The following MAP2K5 variants were observed in gnomAD, a reference collection of about 807,000 sequenced individuals.
MAP2K5 encodes dual specificity mitogen-activated protein kinase kinase 5.
MAP2K5 carries 49 observed loss-of-function variants against 83.1 expected under a neutral mutation model. That is an observed-to-expected ratio of 0.59 (90% CI 0.47 to 0.75). The LOEUF (loss-of-function observed/expected upper bound fraction) is 0.75. MAP2K5 is among the 30% of genes least tolerant of loss of function. The pLI, the probability that MAP2K5 is intolerant of heterozygous loss-of-function variation, is 0.00. For missense variants in MAP2K5, 457 were observed against 557.5 expected, an observed-to-expected ratio of 0.82 and a Z score of 1.82; for synonymous variants, 202 against 191.8, an observed-to-expected ratio of 1.05 and a Z score of -0.44.
At chr15:67,585,756 T>G (rs1326263654) in intron 4 of MAP2K5, 134 bp from the exon 5 acceptor site, 1 of 717,542 alleles carries the variant, frequency 1.4e-6, no homozygotes, top group Non-Finnish European at 2.5e-6. Flanking sequence ...CCACTTTGGG[T>G]CTTGGGAGCC....
chr15:67,726,857 A>G (rs1396513587), intron 16 of MAP2K5, among the ~76,000 whole-genome samples: 1 of 152,212 alleles, frequency 6.6e-6, no homozygotes, highest in East Asian at 1.9e-4. Context: ...TAAAATTGCA[A>G]AGTTTTGCCA....
intron 8 of MAP2K5, among the ~76,000 whole-genome samples, chr15:67,616,494 C>CT (rs1442249981): frequency 6.6e-6 from 1 of 152,066 alleles, no homozygotes; most frequent in Non-Finnish European, 1.5e-5. Flanking sequence ...CTATAAATCC[C>CT]TAGGGCATTC....
rs1326342709 is a variant in MAP2K5 at position 67,640,307 on chromosome 15, A to G, written c.586-5924A>G. Among the ~76,000 whole-genome samples the G allele has an allele frequency of 1.3e-5, 2 of 152,222 alleles. No homozygotes were observed. Among genetic ancestry groups the G allele is most frequent in the African/African-American group, 4.8e-5 (2 of 41,464 alleles). ...TGAAAGCAGGTTCAGCTCACATACA[A>G]AATATCTCATAGCGTTCTTTATATG... On this transcript the variant is annotated intron_variant, in intron 9 of 21. Transcript: ENST00000178640. This position sits in a 1 kb window ranked among gnomAD's most constrained non-coding sequence, Gnocchi z 4.6.
chr15:67,665,666 A>G lies in MAP2K5; in HGVS notation c.847+1021A>G, dbSNP rs1389500128. Among the ~76,000 whole-genome samples the G allele has an allele frequency of 6.6e-6, 1 of 152,152 alleles. No individual in the cohort carries two copies. The highest frequency in any genetic ancestry group is 2.4e-5 in the African/African-American group (1 of 41,434). On this transcript the variant is annotated intron_variant, in intron 13 of 21. Transcript: ENST00000178640. The surrounding 1 kb of genome is among the most constrained non-coding windows in gnomAD (Gnocchi z 4.2). ...TAATGAGGGTATCTAGATTTTGACAAATCAAATAGTCAGGTTTTTGAAGGT... is the reference window on the plus strand; with the variant it reads ...TAATGAGGGTATCTAGATTTTGACAGATCAAATAGTCAGGTTTTTGAAGGT...
In MAP2K5 at chr15:67,618,953, T is replaced by C. The variant is rs550202002; in HGVS notation, c.546-11935T>C. 5.1e-4 allele frequency among the ~76,000 whole-genome samples: 78 copies of C among 152,340 alleles called. 3 individuals carry two copies. In the South Asian group the frequency reaches 0.016, roughly 31 times the overall value. ...AATATTAGGTCTCCCCCTCTGCTCA[T>C]GACCTCTTATATCACTTGGAATAAA... On this transcript the variant is annotated intron_variant, in intron 8 of 21. Coordinates refer to ENST00000178640, the MANE Select transcript of MAP2K5 (RefSeq NM_145160.3).
In MAP2K5 at chr15:67,600,698, A is replaced by G. The variant is rs1207397549; in HGVS notation, c.494A>G (p.Asp165Gly). Residue 165 changes from aspartate to glycine, a missense_variant, in exon 8 of 22, where the codon GAC (aspartate) becomes GGC (glycine). Asp to Gly is a moderately conservative substitution (Grantham distance 94). This residue lies in a region of MAP2K5 where 234 missense variants were observed against 243.6 expected (regional missense o/e 0.96). Coordinates refer to ENST00000178640, the MANE Select transcript of MAP2K5 (RefSeq NM_145160.3). ...ILANGQMNEQ[D>G]IRYRDTLGHG... ...TTTCTTGTGGAGATGAATGAACAAG[A>G]CATACGATATCGGGACACTCTTGGT... 3 of 1,609,646 alleles carry G rather than the reference A, an allele frequency of 1.9e-6. No individual in the cohort carries two copies. Among genetic ancestry groups the G allele is most frequent in the African/African-American group, 1.3e-5 (1 of 74,314 alleles).
At chr15:67,675,364 T>C (rs1049527341) in intron 13 of MAP2K5, among the ~76,000 whole-genome samples, 2 of 152,202 alleles carry the variant, frequency 1.3e-5, no homozygotes, top group African/African-American at 4.8e-5. Context: ...AGTGTATGAT[T>C]CCATTTGTAT....
chr15:67,610,499 C>A (rs1249359996), intron 8 of MAP2K5, among the ~76,000 whole-genome samples: 1 of 152,128 alleles, frequency 6.6e-6, no homozygotes, highest in African/African-American at 2.4e-5. Flanking sequence ...ATTGCACAAG[C>A]AAATATTTGT....
chr15:67,658,588 C>G lies in MAP2K5; in HGVS notation c.772C>G (p.His258Asp), dbSNP rs528470064. ...GGATGTATATAGGAAAATGCCAGAA[C>G]ATGTCCTTGGAAGAATTGCAGTAGC... is the stretch of plus-strand genomic sequence containing the variant. ...SLDVYRKMPE[H>D]VLGRIAVAVV... The change falls in exon 12 of 22, where the codon CAT becomes GAT. Residue 258 changes from histidine to aspartate, a missense_variant. This residue lies in a region of MAP2K5 where 168 missense variants were observed against 263.0 expected (regional missense o/e 0.64). Transcript: ENST00000178640. 22 of 1,612,108 alleles carry G rather than the reference C, an allele frequency of 1.4e-5. No individual in the cohort carries two copies. The highest frequency in any genetic ancestry group is 1.9e-5 in the Non-Finnish European group (22 of 1,178,724).
intron 6 of MAP2K5, among the ~76,000 whole-genome samples, chr15:67,592,360 G>A (rs1490002610): frequency 1.3e-5 from 2 of 152,000 alleles, no homozygotes; most frequent in African/African-American, 4.8e-5. Flanking sequence ...TATAAAATTG[G>A]TATTTTCCCC....
At position 67,597,295 on chromosome 15, in the gene MAP2K5, C is replaced by T. The variant is rs75718946; in HGVS notation, c.481-3390C>T. Reference sequence around the variant, plus strand: ...AAACATTTTTCTTCTTAAAAACTAACATCGTAGCTAATGAAATTTCTTTTA... The same window carrying T: ...AAACATTTTTCTTCTTAAAAACTAATATCGTAGCTAATGAAATTTCTTTTA... On this transcript the variant is annotated intron_variant, in intron 7 of 21. Coordinates refer to ENST00000178640, the MANE Select transcript of MAP2K5 (RefSeq NM_145160.3). 5.4e-3 allele frequency among the ~76,000 whole-genome samples: 828 copies of T among 152,070 alleles called. 4 individuals carry two copies. Among genetic ancestry groups the T allele is most frequent in the African/African-American group, 0.019 (798 of 41,480 alleles).
intron 7 of MAP2K5, 101 bp from the exon 8 acceptor site, chr15:67,600,584 A>C (rs1390728242): frequency 3.6e-6 from 3 of 837,100 alleles, no homozygotes; most frequent in Non-Finnish European, 5.7e-6. Flanking sequence ...TGAACTTGAA[A>C]TGACCCAGAC....
chr15:67,601,785 G>A (rs1314432318), intron 8 of MAP2K5, among the ~76,000 whole-genome samples: 4 of 152,278 alleles, frequency 2.6e-5, no homozygotes, highest in South Asian at 4.1e-4. Flanking sequence ...TGCAGCCTTG[G>A]TATAGAATTT....
intron 8 of MAP2K5, chr15:67,629,179 A>G: frequency 1.4e-6 from 1 of 689,930 alleles, no homozygotes; most frequent in Admixed American, 1.9e-5. Context: ...AGAGCTAGAG[A>G]AGTGACGGGG....
At chr15:67,661,478 C>T (rs2087237489) in intron 12 of MAP2K5, among the ~76,000 whole-genome samples, 1 of 152,158 alleles carries the variant, frequency 6.6e-6, no homozygotes, top group Middle Eastern at 3.4e-3. Context: ...TGAAACCCAG[C>T]CTACTGAATA....
At chr15:67,667,460 C>G (rs965207149) in intron 13 of MAP2K5, among the ~76,000 whole-genome samples, 1 of 151,982 alleles carries the variant, frequency 6.6e-6, no homozygotes, top group African/African-American at 2.4e-5. Flanking sequence ...GTCACATTGT[C>G]AAATCAAAAA....
At position 67,690,712 on chromosome 15, in the gene MAP2K5, T is replaced by C. The variant is rs997328570; in HGVS notation, c.848-1767T>C. Among the ~76,000 whole-genome samples, 10 of 152,140 alleles carry C rather than the reference T, an allele frequency of 6.6e-5. No homozygotes were observed. The highest frequency in any genetic ancestry group is 1.3e-4 in the Admixed American group (2 of 15,282). On this transcript the variant is annotated intron_variant, in intron 13 of 21. Coordinates refer to ENST00000178640, the MANE Select transcript of MAP2K5 (RefSeq NM_145160.3). This position sits in a 1 kb window ranked among gnomAD's most constrained non-coding sequence, Gnocchi z 4.3. ...CCACGCCCGGCTAATTTTTGTATTT[T>C]TAGTAGAGATGAGGTTTTGCCATGT... is the stretch of plus-strand genomic sequence containing the variant.
chr15:67,763,412 A>T (rs191412607), intron 19 of MAP2K5, among the ~76,000 whole-genome samples: 20 of 152,244 alleles, frequency 1.3e-4, no homozygotes, highest in Admixed American at 1.2e-3. Context: ...GCACCTATTC[A>T]TCTCTTTCCC....
chr15:67,563,365 A>G lies in MAP2K5; in HGVS notation c.252+15A>G, dbSNP rs748906365. On this transcript the variant is annotated intron_variant, in intron 3 of 21. Coordinates refer to ENST00000178640, the MANE Select transcript of MAP2K5 (RefSeq NM_145160.3). The surrounding 1 kb of genome is among the most constrained non-coding windows in gnomAD (Gnocchi z 4.5). ...TGCTGTCATATGTAAGTATACGACA[A>G]ATGAAGACTATTTTTTAAAATCTTA... 2 of 1,600,968 alleles carry G rather than the reference A, an allele frequency of 1.2e-6. No individual in the cohort carries two copies. Among genetic ancestry groups the G allele is most frequent in the South Asian group, 1.1e-5 (1 of 88,532 alleles).
Sources: gnomAD v4.1 joint callset for allele counts (sites outside exome capture counted in the v4.1 genomes callset) on GRCh38, gnomAD v4.1.1 for gene constraint, gnomAD v4.1.1 regional missense constraint, Gnocchi (gnomAD v3.1) non-coding constraint, MANE v1.5 for transcripts, NCBI Gene and HGNC (gene_info 2026-07-23, HGNC 2026-07-21) for gene names.